The following PGR variants were observed in gnomAD, a reference collection of about 807,000 sequenced individuals.
The protein encoded by PGR is nuclear receptor subfamily 3 group C member 3.
PGR carries 25 observed loss-of-function variants against 76.1 expected under a neutral mutation model. The observed-to-expected ratio is 0.33, with a 90% CI of 0.24 to 0.46. PGR has a LOEUF of 0.46. Ranked by LOEUF, PGR falls within the 20% of genes least tolerant of loss-of-function variation. PGR has a pLI of 1.00. For missense variants in PGR, 1,172 were observed against 1,225.3 expected (o/e 0.96, Z 0.65); for synonymous variants, 579 against 535.0 (o/e 1.08, Z -1.14).
intron 2 of PGR, among the ~76,000 whole-genome samples, chr11:101,113,282 C>T (rs7934093): frequency 0.58 from 87,585 of 150,620 alleles, 26,064 homozygotes; most frequent in Non-Finnish European, 0.64. Context: ...TTTTTTTTTT[C>T]CCAGAGTCTT....
intron 2 of PGR, among the ~76,000 whole-genome samples, chr11:101,109,080 A>G (rs185238973): frequency 2.0e-5 from 3 of 152,306 alleles, no homozygotes; most frequent in African/African-American, 4.8e-5. Flanking sequence ...AATAAACTTA[A>G]CTGATAAATG....
intron 3 of PGR, among the ~76,000 whole-genome samples, chr11:101,068,339 G>A (rs1860798568): frequency 6.6e-6 from 1 of 152,014 alleles, no homozygotes. Flanking sequence ...TCTTCAAGGA[G>A]AACTACAAAA....
chr11:101,051,311 T>C, intron 5 of PGR, 113 bp downstream of exon 5: 1 of 718,388 alleles, frequency 1.4e-6, no homozygotes, highest in South Asian at 1.8e-5. Flanking sequence ...AAAATGACAG[T>C]AATGTCATCA....
In PGR at chr11:101,129,682, T is replaced by G. The variant is rs2135519988; in HGVS notation, c.-612A>C. On this transcript the variant is annotated 5_prime_UTR_variant, in exon 1 of 8. Transcript: ENST00000325455. ...CATCTCCGAAGATCTCAGATCCCAG[T>G]AGTGCGGGAGCACTAGCCGCCTCGG... 5.5e-6 allele frequency: 1 copy of G among 181,378 alleles called. No homozygotes were observed. The highest frequency in any genetic ancestry group is 9.1e-5 in the East Asian group (1 of 11,034). 11.2% of individuals were successfully genotyped at this position (181,378 alleles called of 1,614,324 possible). A position where few individuals can be genotyped will look rare whatever the true frequency, so the allele number is the denominator to read the frequency against.
At position 101,127,739 on chromosome 11, in the gene PGR, G is replaced by A. The variant is rs1565372650; in HGVS notation, c.1332C>T (p.Ala444=). 2 of 1,559,886 alleles carry A rather than the reference G, an allele frequency of 1.3e-6. No individual in the cohort carries two copies. The highest frequency in any genetic ancestry group is 1.2e-5 in the South Asian group (1 of 86,446). ...PGEAAVTAAP[A]SASVSSASSS... Reference sequence around the variant, plus strand: ...AGGACGCAGACGAGACTGAGGCACTGGCGGGTGCGGCCGTCACCGCCGCTT... The same window carrying A: ...AGGACGCAGACGAGACTGAGGCACTAGCGGGTGCGGCCGTCACCGCCGCTT... The change falls in exon 1 of 8, where the codon GCC becomes GCT. Residue 444 remains alanine (A), a synonymous_variant. Transcript: ENST00000325455.
At chr11:101,099,390 G>A (rs1231462481) in intron 2 of PGR, among the ~76,000 whole-genome samples, 5 of 152,088 alleles carry the variant, frequency 3.3e-5, no homozygotes, top group Non-Finnish European at 7.4e-5. Flanking sequence ...TTGGGATGGC[G>A]GTTACTTTTG....
intron 3 of PGR, among the ~76,000 whole-genome samples, chr11:101,070,174 C>A (rs1051139376): frequency 5.3e-5 from 8 of 152,036 alleles, no homozygotes; most frequent in African/African-American, 1.9e-4. Context: ...CCATGGAGAG[C>A]GAGCTGAAGC....
intron 3 of PGR, among the ~76,000 whole-genome samples, chr11:101,074,760 C>A (rs567197053): frequency 6.6e-6 from 1 of 152,106 alleles, no homozygotes; most frequent in Non-Finnish European, 1.5e-5. Flanking sequence ...GCTAGGAATA[C>A]AAGTCACGAG....
At chr11:101,084,395 C>T (rs961453346) in intron 3 of PGR, among the ~76,000 whole-genome samples, 1 of 152,076 alleles carries the variant, frequency 6.6e-6, no homozygotes, top group Non-Finnish European at 1.5e-5. Flanking sequence ...CAGTGGCTCA[C>T]ACCTGTAATC....
intron 2 of PGR, among the ~76,000 whole-genome samples, chr11:101,112,692 C>G (rs1862380740): frequency 1.3e-5 from 2 of 152,274 alleles, no homozygotes; most frequent in Middle Eastern, 6.8e-3. Context: ...ATAATATTCA[C>G]TTTCAATTCC....
In PGR at chr11:101,127,970, G is replaced by C. The variant is rs749761960; in HGVS notation, c.1101C>G (p.Ala367=). 1 of 1,611,940 alleles carries C rather than the reference G, an allele frequency of 6.2e-7. No individual in the cohort carries two copies. The highest frequency in any genetic ancestry group is 1.3e-5 in the African/African-American group (1 of 74,876). ...DFPDCAYPPD[A]EPKDDAYPLY... ...GAGGGTACGCGTCGTCCTTGGGCTC[G>C]GCGTCGGGCGGGTACGCGCAGTCGG... Residue 367 remains alanine, a synonymous_variant, in exon 1 of 8, where the codon GCC becomes GCG. Coordinates refer to ENST00000325455, the MANE Select transcript of PGR (RefSeq NM_000926.4).
chr11:101,076,200 G>T (rs1218226251), intron 3 of PGR, among the ~76,000 whole-genome samples: 1 of 151,402 alleles, frequency 6.6e-6, no homozygotes, highest in Non-Finnish European at 1.5e-5. Flanking sequence ...CCATCATTCA[G>T]AGCAAACTAA....
At chr11:101,121,040 A>G (rs1259555165) in intron 2 of PGR, among the ~76,000 whole-genome samples, 1 of 152,232 alleles carries the variant, frequency 6.6e-6, no homozygotes, top group Non-Finnish European at 1.5e-5. Context: ...AGAGATTTCA[A>G]TGAACCCTAA....
intron 3 of PGR, among the ~76,000 whole-genome samples, chr11:101,065,829 T>C (rs1192193224): frequency 6.6e-6 from 1 of 151,944 alleles, no homozygotes; most frequent in Non-Finnish European, 1.5e-5. Flanking sequence ...GGCTGAATAG[T>C]TGTCTCTCAT....
intron 2 of PGR, among the ~76,000 whole-genome samples, chr11:101,124,779 T>C (rs1406645489): frequency 6.6e-6 from 1 of 152,166 alleles, no homozygotes; most frequent in Non-Finnish European, 1.5e-5. Context: ...CACTATCAGT[T>C]GCCCTATTTT....
chr11:101,125,181 A>T (rs568333243), intron 2 of PGR, among the ~76,000 whole-genome samples: 1 of 152,284 alleles, frequency 6.6e-6, no homozygotes, highest in Non-Finnish European at 1.5e-5. Context: ...GAAATCTTTC[A>T]ATGTATTTTT....
chr11:101,115,758 G>T (rs1359949840), intron 2 of PGR, among the ~76,000 whole-genome samples: 1 of 142,990 alleles, frequency 7.0e-6, no homozygotes, highest in African/African-American at 2.7e-5. Context: ...TACAGAGCGG[G>T]GACTCCCTCT....
chr11:101,107,581 C>T (rs1286792154), intron 2 of PGR, among the ~76,000 whole-genome samples: 1 of 152,098 alleles, frequency 6.6e-6, no homozygotes, highest in Non-Finnish European at 1.5e-5. Context: ...TTTAAGACAG[C>T]TACATAAAAA....
rs912301208 is a variant in PGR at position 101,039,058 on chromosome 11, T to C, written c.*58A>G. The C allele has an allele frequency of 2.9e-6, 4 of 1,403,220 alleles. No individual in the cohort carries two copies. The African/African-American group carries it at 4.3e-5, about 15-fold the overall frequency. The allele number at this position is 1,403,220 out of a possible 1,614,324, so 86.9% of individuals were successfully genotyped here. ...ATAAAAACTCAAGACCTCATAATCC[T>C]GACCAAAACAAAAAGACATACCACA... is the stretch of plus-strand genomic sequence containing the variant. On this transcript the variant is annotated 3_prime_UTR_variant, in exon 8 of 8. Transcript: ENST00000325455.
Sources: gnomAD v4.1 joint callset for allele counts (sites outside exome capture counted in the v4.1 genomes callset) on GRCh38, gnomAD v4.1.1 for gene constraint, MANE v1.5 for transcripts, NCBI Gene and HGNC (gene_info 2026-07-23, HGNC 2026-07-21) for gene names.